Variants in SCARA5 observed in about 807,000 individuals in gnomAD.
SCARA5 encodes scavenger receptor class A member 5, also known as scavenger receptor class A, member 5 (putative).
In SCARA5, 45 loss-of-function variants were observed where a neutral mutation model predicts 46.3. The ratio of observed to expected loss-of-function variants is 0.97; its 90% confidence interval spans 0.76 to 1.24. The LOEUF is 1.24. SCARA5 is among the 50% of genes most tolerant of loss of function. SCARA5 has a pLI of 0.00. For missense variants in SCARA5, 680 were observed against 689.0 expected (o/e 0.99, Z 0.15); for synonymous variants, 333 against 306.5 (o/e 1.09, Z -0.90).
Position 27,966,515 on chromosome 8 carries a change from A to T in SCARA5, c.140T>A (p.Ile47Asn). 6.2e-7 allele frequency: 1 copy of T among 1,613,390 alleles called. No homozygotes were observed. The highest frequency in any genetic ancestry group is 2.2e-5 in the East Asian group (1 of 44,858). Reference protein sequence around the residue: ...DGPCHKRRASICCTQLGSLSA... With the variant: ...DGPCHKRRASNCCTQLGSLSA... Reference sequence around the variant, plus strand: ...CAGGGACCCCAGCTGGGTACAGCAGATGCTTGCCCGCCGTTTGTGACATGG... The same window carrying T: ...CAGGGACCCCAGCTGGGTACAGCAGTTGCTTGCCCGCCGTTTGTGACATGG... Residue 47 changes from isoleucine to asparagine, a missense_variant, in exon 3 of 9, where the codon ATC becomes AAC. By Grantham distance (149) the Ile-to-Asn change is moderately radical (BLOSUM62 -3). Around this residue, in one of 3 missense-constraint regions of SCARA5, gnomAD observed 438 missense variants for 384.5 expected, o/e 1.14. Coordinates refer to ENST00000354914, the MANE Select transcript of SCARA5 (RefSeq NM_173833.6).
chr8:27,960,495 G>C (rs1171237078), intron 3 of SCARA5, among the ~76,000 whole-genome samples: 2 of 152,160 alleles, frequency 1.3e-5, no homozygotes, highest in Admixed American at 1.3e-4. Context: ...TTACGTGCCA[G>C]GCAGTGAAAG....
At chr8:27,880,865 A>AG (rs1033609931) in intron 7 of SCARA5, among the ~76,000 whole-genome samples, 7 of 151,356 alleles carry the variant, frequency 4.6e-5, no homozygotes, top group African/African-American at 1.2e-4. Flanking sequence ...AGGAAAAAAA[A>AG]AAAAAAAAAA....
intron 7 of SCARA5, among the ~76,000 whole-genome samples, chr8:27,880,048 T>C (rs972961583): frequency 6.6e-6 from 1 of 152,152 alleles, no homozygotes; most frequent in Non-Finnish European, 1.5e-5. Context: ...GCTACACACC[T>C]ACAGCCATCT....
At chr8:27,913,963 C>T (rs1807419623) in intron 4 of SCARA5, among the ~76,000 whole-genome samples, 1 of 152,190 alleles carries the variant, frequency 6.6e-6, no homozygotes, top group African/African-American at 2.4e-5. Context: ...CCTTCATGCC[C>T]ACTGATTTGG....
chr8:27,889,287 T>C (rs940980432), intron 7 of SCARA5, among the ~76,000 whole-genome samples: 2 of 152,246 alleles, frequency 1.3e-5, no homozygotes, highest in Non-Finnish European at 2.9e-5. Flanking sequence ...GCAACAGATG[T>C]CCCATTACTT....
intron 3 of SCARA5, among the ~76,000 whole-genome samples, chr8:27,925,119 C>A (rs1807659592): frequency 6.6e-6 from 1 of 152,182 alleles, no homozygotes; most frequent in African/African-American, 2.4e-5. Flanking sequence ...ACTTTCTTCA[C>A]ACAACTGGAA....
At chr8:27,930,465 C>T (rs909746685) in intron 3 of SCARA5, among the ~76,000 whole-genome samples, 11 of 151,828 alleles carry the variant, frequency 7.2e-5, no homozygotes, top group East Asian at 3.9e-4. Context: ...TGCAATGGCG[C>T]GATCTCGGCT....
intron 7 of SCARA5, among the ~76,000 whole-genome samples, chr8:27,904,059 A>T (rs1807209152): frequency 6.6e-6 from 1 of 152,204 alleles, no homozygotes; most frequent in South Asian, 2.1e-4. Context: ...AAACCTTAGA[A>T]GAGTGGCACA....
intron 3 of SCARA5, among the ~76,000 whole-genome samples, chr8:27,928,596 C>G (rs552408635): frequency 6.6e-6 from 1 of 152,298 alleles, no homozygotes; most frequent in Non-Finnish European, 1.5e-5. Context: ...CCCACTTTGC[C>G]AAACTGCTGA....
At chr8:27,920,646 AAAAC>A (rs962870004) in intron 4 of SCARA5, among the ~76,000 whole-genome samples, 4 of 151,268 alleles carry the variant, frequency 2.6e-5, no homozygotes, top group Admixed American at 6.6e-5. Context: ...ACAAAACAAA[AAAAC>A]AAACAAAAAA....
At chr8:27,944,305 T>G (rs1344360965) in intron 3 of SCARA5, among the ~76,000 whole-genome samples, 1 of 152,198 alleles carries the variant, frequency 6.6e-6, no homozygotes, top group Non-Finnish European at 1.5e-5. Context: ...CAGCATTAGA[T>G]TTCTTGAATT....
At chr8:27,940,630 C>G (rs1363926048) in intron 3 of SCARA5, among the ~76,000 whole-genome samples, 1 of 141,326 alleles carries the variant, frequency 7.1e-6, no homozygotes, top group East Asian at 2.1e-4. Flanking sequence ...ATTCATCCAT[C>G]CACCCACCCA....
intron 2 of SCARA5, among the ~76,000 whole-genome samples, chr8:27,975,783 G>A (rs1209310266): frequency 6.6e-6 from 1 of 152,170 alleles, no homozygotes; most frequent in Non-Finnish European, 1.5e-5. Flanking sequence ...GAGTCCTCAG[G>A]GCAGACGGCT....
chr8:27,899,684 C>A (rs1316197236), intron 7 of SCARA5, among the ~76,000 whole-genome samples: 1 of 152,248 alleles, frequency 6.6e-6, no homozygotes, highest in Admixed American at 6.5e-5. Context: ...TTATCCCCAC[C>A]TTCCTTTCCA....
intron 3 of SCARA5, among the ~76,000 whole-genome samples, chr8:27,943,241 C>T (rs1297260299): frequency 1.3e-5 from 2 of 152,216 alleles, no homozygotes; most frequent in Non-Finnish European, 2.9e-5. Flanking sequence ...GTTTCCTTTG[C>T]CAACATGGCA....
chr8:27,988,749 C>T (rs950778064), intron 1 of SCARA5, among the ~76,000 whole-genome samples: 2 of 152,198 alleles, frequency 1.3e-5, no homozygotes, highest in Non-Finnish European at 2.9e-5. Context: ...CATCAAGGTT[C>T]CAGCCATGAG....
At chr8:27,946,927 C>T (rs1486123445) in intron 3 of SCARA5, among the ~76,000 whole-genome samples, 1 of 138,472 alleles carries the variant, frequency 7.2e-6, no homozygotes, top group African/African-American at 2.7e-5. Flanking sequence ...ATCCCCTTAG[C>T]TTTTGTTTTT....
At chr8:27,953,404 G>A (rs1808160794) in intron 3 of SCARA5, among the ~76,000 whole-genome samples, 2 of 152,240 alleles carry the variant, frequency 1.3e-5, no homozygotes, top group Non-Finnish European at 2.9e-5. Context: ...GCTCTGTCCA[G>A]CCCCTCAGGT....
intron 2 of SCARA5, among the ~76,000 whole-genome samples, chr8:27,979,716 G>A (rs1045960894): frequency 2.0e-5 from 3 of 152,038 alleles, no homozygotes; most frequent in South Asian, 2.1e-4. Flanking sequence ...GCCACGCCAC[G>A]CCTGGCTAAT....
Sources: allele counts gnomAD v4.1 joint callset (sites outside exome capture counted in the v4.1 genomes callset), GRCh38; gene constraint gnomAD v4.1.1; regional missense constraint gnomAD v4.1.1; transcripts MANE v1.5; gene names NCBI Gene and HGNC (gene_info 2026-07-23, HGNC 2026-07-21).